The following NDUFAF6 variants were observed in gnomAD, a reference collection of about 807,000 sequenced individuals.
The protein encoded by NDUFAF6 is NADH dehydrogenase (ubiquinone) complex I, assembly factor 6.
In NDUFAF6, 45 loss-of-function variants were observed where a neutral mutation model predicts 40.8. The observed-to-expected ratio is 1.10, with a 90% confidence interval of 0.87 to 1.42. The LOEUF is 1.42. Ranked by LOEUF, NDUFAF6 falls within the 40% of genes most tolerant of loss-of-function variation. NDUFAF6 has a pLI of 0.00. For synonymous variants in NDUFAF6, 185 were observed against 155.9 expected (o/e 1.19, Z -1.39); for missense variants, 435 against 418.5 (o/e 1.04, Z -0.34).
intron 2 of NDUFAF6, among the ~76,000 whole-genome samples, chr8:94,999,465 T>G (rs1335381820): frequency 2.0e-5 from 3 of 151,500 alleles, no homozygotes; most frequent in Admixed American, 2.0e-4. Flanking sequence ...TTACCCAGGC[T>G]GGGTGCAGTG....
At chr8:94,969,596 A>G (rs1824292916) in intron 1 of NDUFAF6, among the ~76,000 whole-genome samples, 1 of 152,170 alleles carries the variant, frequency 6.6e-6, no homozygotes, top group South Asian at 2.1e-4. Context: ...AACTGTGATC[A>G]TACCACTGCA....
chr8:94,969,160 T>G (rs1186255628), intron 1 of NDUFAF6, among the ~76,000 whole-genome samples: 1 of 152,060 alleles, frequency 6.6e-6, no homozygotes, highest in Middle Eastern at 3.2e-3. Flanking sequence ...AACAGAGAAC[T>G]AGATGAGATG....
upstream of NDUFAF6, among the ~76,000 whole-genome samples, chr8:94,953,811 T>C (rs957162576): frequency 7.7e-4 from 1 of 1,296 alleles, no homozygotes; most frequent in Admixed American, 0.017. Flanking sequence ...TATTGGATTC[T>C]TTTTTTTTTC....
At chr8:95,001,863 G>A (rs1826751913) in intron 2 of NDUFAF6, among the ~76,000 whole-genome samples, 1 of 152,228 alleles carries the variant, frequency 6.6e-6, no homozygotes, top group Non-Finnish European at 1.5e-5. Flanking sequence ...GGAGCCTTGA[G>A]GGCCTCAAAG....
chr8:95,045,863 C>G (rs1830688571), intron 5 of NDUFAF6, among the ~76,000 whole-genome samples: 1 of 151,964 alleles, frequency 6.6e-6, no homozygotes, highest in South Asian at 2.1e-4. Context: ...GGCTCTCATA[C>G]AACTACTTTA....
intron 6 of NDUFAF6, among the ~76,000 whole-genome samples, chr8:95,047,532 C>G (rs1830925802): frequency 8.3e-6 from 1 of 120,092 alleles, no homozygotes; most frequent in Non-Finnish European, 1.7e-5. Context: ...TTTTTTGAGA[C>G]AAAGTCTTGC....
intron 1 of NDUFAF6, among the ~76,000 whole-genome samples, chr8:94,966,167 A>C (rs2131506725): frequency 6.6e-6 from 1 of 152,324 alleles, no homozygotes; most frequent in South Asian, 2.1e-4. Context: ...AAAGGAGATC[A>C]TTCTTAAATT....
rs7835063 is a variant in NDUFAF6 at position 94,962,609 on chromosome 8, G to T, written c.-199+4430G>T. ...CACCTAGCCCAGACTTCTGTTTTTT[G>T]TTTTTTGTTTTTTTTTTTTTTGAGA... On this transcript the variant is annotated intron_variant, in intron 1 of 9. Transcript: ENST00000396111. Among the ~76,000 whole-genome samples the T allele has an allele frequency of 4.5e-3, 205 of 45,788 alleles. 1 individual carries two copies. The highest frequency in any genetic ancestry group is 6.2e-3 in the African/African-American group (95 of 15,298). 30.0% of individuals were successfully genotyped at this position (45,788 alleles called of 152,430 possible). A position where few individuals can be genotyped will look rare whatever the true frequency, so the allele number is the denominator to read the frequency against.
intron 3 of NDUFAF6, among the ~76,000 whole-genome samples, chr8:95,039,434 A>C (rs1425528308): frequency 6.6e-6 from 1 of 151,230 alleles, no homozygotes; most frequent in African/African-American, 2.4e-5. Context: ...GCCTGGCGAC[A>C]AAGCGAGACT....
chr8:95,047,917 CTTG>C (rs1469233042), intron 6 of NDUFAF6, among the ~76,000 whole-genome samples: 4 of 151,936 alleles, frequency 2.6e-5, no homozygotes, highest in Non-Finnish European at 5.9e-5. Context: ...TAATTAACAT[CTTG>C]TTGTGGCCAG....
At chr8:95,028,824 A>T (rs973297258) in intron 1 of NDUFAF6, among the ~76,000 whole-genome samples, 6 of 152,202 alleles carry the variant, frequency 3.9e-5, no homozygotes, top group Non-Finnish European at 8.8e-5. Flanking sequence ...CAAGTGTTTT[A>T]AACACTTCTG....
intron 2 of NDUFAF6, 34 bp downstream of exon 2, chr8:95,032,128 G>A (rs200552149): frequency 2.6e-5 from 41 of 1,551,016 alleles, no homozygotes; most frequent in Middle Eastern, 3.4e-4. Flanking sequence ...TATTATTTGC[G>A]AAATGGTGAT....
Position 95,025,119 on chromosome 8 carries a change from CG to C in NDUFAF6, c.114del (p.Pro39ArgfsTer52). On this transcript the variant is annotated frameshift_variant, in exon 1 of 9. Transcript: ENST00000396124. LOFTEE classifies it high-confidence loss of function. The part of the protein sequence containing the change: ...GLYARMRRLP[G>X]PEVSGRSVAA... The stretch of plus-strand genomic sequence containing the variant: ...TGTACGCGCGCATGCGGCGGCTGCC[CG>C]GGCCGGAGGTGTCTGGGCGGAGCGT... 6.8e-7 allele frequency: 1 copy of C among 1,480,064 alleles called. No homozygotes were observed. Among genetic ancestry groups the C allele is most frequent in the Non-Finnish European group, 8.9e-7 (1 of 1,124,974 alleles). 91.7% of individuals were successfully genotyped at this position (1,480,064 alleles called of 1,614,324 possible).
chr8:94,910,530 G>A (rs1041093278), intron 1 of NDUFAF6, among the ~76,000 whole-genome samples: 10 of 152,176 alleles, frequency 6.6e-5, no homozygotes, highest in Admixed American at 1.3e-4. Flanking sequence ...ATACCTCCTC[G>A]TGTAGACCCT....
intron 1 of NDUFAF6, chr8:94,930,684 A>T: frequency 6.2e-7 from 1 of 1,614,252 alleles, no homozygotes; most frequent in Non-Finnish European, 8.5e-7. Flanking sequence ...AAGAGCTGCA[A>T]CATAACAATG....
At chr8:95,056,440 T>A (rs547478459) in intron 8 of NDUFAF6, among the ~76,000 whole-genome samples, 1 of 152,140 alleles carries the variant, frequency 6.6e-6, no homozygotes, top group Admixed American at 6.5e-5. Context: ...CTTGAACTCT[T>A]GAGCTCAAAC....
chr8:95,053,924 G>GATT, intron 8 of NDUFAF6, among the ~76,000 whole-genome samples: 1 of 76,168 alleles, frequency 1.3e-5, no homozygotes, highest in South Asian at 4.6e-4. Context: ...ACCGTGCCCG[G>GATT]CTTTTTTTTT....
chr8:95,095,316 T>C (rs888824567), intron 2 of NDUFAF6, among the ~76,000 whole-genome samples: 8 of 152,236 alleles, frequency 5.3e-5, no homozygotes, highest in African/African-American at 1.4e-4. Context: ...GCTGAGAAGA[T>C]AGTCACCTTA....
At chr8:94,995,862 T>C (rs148910222) in intron 2 of NDUFAF6, among the ~76,000 whole-genome samples, 1,539 of 152,232 alleles carry the variant, frequency 0.01, 27 homozygotes, top group African/African-American at 0.035. Context: ...ACTGCACCCT[T>C]CACCTCCTGG....
Sources: allele counts gnomAD v4.1 joint callset (sites outside exome capture counted in the v4.1 genomes callset), GRCh38; gene constraint gnomAD v4.1.1; transcripts MANE v1.5; gene names NCBI Gene and HGNC (gene_info 2026-07-23, HGNC 2026-07-21).